Variants in PDE4B observed in about 807,000 individuals in gnomAD.
PDE4B encodes the protein phosphodiesterase 4B.
PDE4B carries 20 observed loss-of-function variants against 82.2 expected under a neutral mutation model. That is an observed-to-expected ratio of 0.24 (90% CI 0.17 to 0.35). The LOEUF (loss-of-function observed/expected upper bound fraction) is 0.35, where lower values mean the gene tolerates loss of function less well. Among genes scored for constraint, PDE4B ranks in the 10% least tolerant of loss-of-function variants. PDE4B has a pLI of 1.00. For synonymous variants in PDE4B, 320 were observed against 318.9 expected, an observed-to-expected ratio of 1.00 and a Z score of -0.04; for missense variants, 655 against 907.2, an observed-to-expected ratio of 0.72 and a Z score of 3.57.
chr1:65,910,419 C>T (rs1647076629), intron 1 of PDE4B, among the ~76,000 whole-genome samples: 1 of 152,158 alleles, frequency 6.6e-6, no homozygotes, highest in South Asian at 2.1e-4. Flanking sequence ...TTGCTTGTGT[C>T]AGTCACTGTG....
intron 1 of PDE4B, among the ~76,000 whole-genome samples, chr1:65,884,339 G>C (rs1356702673): frequency 6.6e-6 from 1 of 152,124 alleles, no homozygotes; most frequent in Admixed American, 6.6e-5. Flanking sequence ...TTGAGAGCCT[G>C]TTATTGGTCT....
In PDE4B at chr1:66,087,999, C is replaced by A. The variant is rs553020885; in HGVS notation, c.282-159461C>A. Among the ~76,000 whole-genome samples the A allele has an allele frequency of 1.5e-4, 22 of 151,504 alleles. No individual in the cohort carries two copies. In the South Asian group the frequency reaches 4.0e-3, roughly 28 times the overall value. On this transcript the variant is annotated intron_variant, in intron 3 of 16. Coordinates refer to ENST00000341517, the MANE Select transcript of PDE4B (RefSeq NM_002600.4). ...TAACCTGCACATTGTGCACATGTAC[C>A]CTAAAACTTAAAGTATAATAATAAT...
chr1:66,145,984 G>T (rs6691376), intron 3 of PDE4B, among the ~76,000 whole-genome samples: 1 of 152,030 alleles, frequency 6.6e-6, no homozygotes, highest in Admixed American at 6.5e-5. Flanking sequence ...TATTTGCTTC[G>T]CTTCACAAAA....
intron 3 of PDE4B, among the ~76,000 whole-genome samples, chr1:66,030,064 A>T (rs1156527929): frequency 1.5e-5 from 2 of 132,114 alleles, no homozygotes; most frequent in Non-Finnish European, 3.2e-5. Flanking sequence ...TCATGAAGGG[A>T]TGTTGGATTT....
At chr1:66,009,796 A>G (rs558893310) in intron 3 of PDE4B, among the ~76,000 whole-genome samples, 13 of 152,200 alleles carry the variant, frequency 8.5e-5, no homozygotes, top group African/African-American at 3.1e-4. Flanking sequence ...TTGCCTTTCT[A>G]CCATCATTAT....
chr1:66,325,461 G>T (rs149052075), intron 7 of PDE4B, among the ~76,000 whole-genome samples: 42 of 152,270 alleles, frequency 2.8e-4, no homozygotes, highest in Non-Finnish European at 5.4e-4. Flanking sequence ...CATAGCAGAT[G>T]CTCAGTGTAC....
At chr1:66,267,369 G>T (rs1219035724) in intron 7 of PDE4B, 1 of 152,212 alleles carries the variant, frequency 6.6e-6, no homozygotes, top group East Asian at 1.9e-4. Flanking sequence ...ATCGAAGGAG[G>T]TAGTTTTGAA....
At chr1:65,967,269 C>A (rs183014885) in intron 3 of PDE4B, among the ~76,000 whole-genome samples, 26 of 152,262 alleles carry the variant, frequency 1.7e-4, no homozygotes, top group Non-Finnish European at 2.5e-4. Flanking sequence ...ATACAGCCAA[C>A]ACGCATATGA....
chr1:66,297,834 G>A (rs1391448547), intron 7 of PDE4B, among the ~76,000 whole-genome samples: 1 of 152,102 alleles, frequency 6.6e-6, no homozygotes, highest in Non-Finnish European at 1.5e-5. Context: ...TTAGAATGGT[G>A]TAATTCATCA....
intron 3 of PDE4B, among the ~76,000 whole-genome samples, chr1:66,159,339 A>G (rs1198888452): frequency 6.6e-6 from 1 of 151,744 alleles, no homozygotes; most frequent in Non-Finnish European, 1.5e-5. Flanking sequence ...CCCAGGTTCA[A>G]GCAATTCTCA....
intron 15 of PDE4B, 102 bp from the exon 16 acceptor site, chr1:66,368,685 G>C (rs987791457): frequency 1.2e-6 from 1 of 828,118 alleles, no homozygotes; most frequent in South Asian, 3.6e-5. Flanking sequence ...CAACTAAAAT[G>C]TTCTCGGGTT....
chr1:66,105,558 C>A (rs140941983), intron 3 of PDE4B, among the ~76,000 whole-genome samples: 30 of 152,232 alleles, frequency 2.0e-4, no homozygotes, highest in African/African-American at 7.0e-4. Context: ...GATGCTGATT[C>A]TTCCTACCCA....
chr1:66,029,835 A>G (rs1653664976), intron 3 of PDE4B, among the ~76,000 whole-genome samples: 1 of 152,178 alleles, frequency 6.6e-6, no homozygotes, highest in Non-Finnish European at 1.5e-5. Flanking sequence ...TGAAATAACC[A>G]CTTTCAAATT....
intron 3 of PDE4B, among the ~76,000 whole-genome samples, chr1:66,211,521 AAAT>A (rs1650048312): frequency 6.6e-6 from 1 of 152,214 alleles, no homozygotes; most frequent in African/African-American, 2.4e-5. Context: ...AAGGCAAATT[AAAT>A]AATAATGCTG....
At chr1:66,202,313 T>C (rs574699129) in intron 3 of PDE4B, among the ~76,000 whole-genome samples, 6 of 152,162 alleles carry the variant, frequency 3.9e-5, no homozygotes, top group Admixed American at 3.9e-4. Flanking sequence ...CTGAAAAGAA[T>C]GTATATTCTG....
chr1:66,357,681 G>T (rs145290055), intron 9 of PDE4B, among the ~76,000 whole-genome samples: 1 of 151,974 alleles, frequency 6.6e-6, no homozygotes, highest in Non-Finnish European at 1.5e-5. Flanking sequence ...GAGGGTGGAT[G>T]TGGTAAACCC....
chr1:66,341,855 C>T (rs1235525474), intron 8 of PDE4B, among the ~76,000 whole-genome samples: 2 of 152,162 alleles, frequency 1.3e-5, no homozygotes, highest in Non-Finnish European at 2.9e-5. Flanking sequence ...TGTTTCTGCA[C>T]AATGAGCCAG....
intron 3 of PDE4B, among the ~76,000 whole-genome samples, chr1:66,091,916 G>A (rs1465375162): frequency 1.3e-5 from 2 of 151,884 alleles, no homozygotes; most frequent in Non-Finnish European, 2.9e-5. Flanking sequence ...GTAATCTTTG[G>A]TGATATATCT....
intron 15 of PDE4B, 195 bp downstream of exon 15, chr1:66,368,260 C>A (rs57528310): frequency 3.6e-6 from 2 of 560,924 alleles, no homozygotes; most frequent in Non-Finnish European, 6.1e-6. Flanking sequence ...GAAAAATAAT[C>A]TCTATTTGTG....
Sources: allele counts gnomAD v4.1 joint callset (sites outside exome capture counted in the v4.1 genomes callset), GRCh38; gene constraint gnomAD v4.1.1; transcripts MANE v1.5; gene names NCBI Gene and HGNC (gene_info 2026-07-23, HGNC 2026-07-21).